Variants in EEIG1 observed in about 807,000 individuals in gnomAD.
EEIG1 encodes estrogen-induced osteoclastogenesis regulator 1.
At chr9:127,968,518 T>C in the EEIG1 span, among the ~76,000 whole-genome samples, 3 of 152,166 alleles carry the variant, frequency 2.0e-5, no homozygotes, top group East Asian at 3.9e-4. Flanking sequence ...AACTAACTAA[T>C]GACTAAATGA....
At chr9:127,956,702 C>T in the EEIG1 span, among the ~76,000 whole-genome samples, 1 of 151,476 alleles carries the variant, frequency 6.6e-6, no homozygotes, top group Non-Finnish European at 1.5e-5. Flanking sequence ...TGAGCCACCA[C>T]ACCCGGCCAT....
At chr9:127,960,623 G>C in the EEIG1 span, among the ~76,000 whole-genome samples, 1 of 152,198 alleles carries the variant, frequency 6.6e-6, no homozygotes. Context: ...AGGCAGCTCG[G>C]TGCTCTGGGC....
the EEIG1 span, chr9:127,953,398 G>A: frequency 1.6e-6 from 1 of 625,226 alleles, no homozygotes; most frequent in East Asian, 2.7e-5. Flanking sequence ...ACAACCATAT[G>A]CTGCCTTTAT....
the EEIG1 span, among the ~76,000 whole-genome samples, chr9:127,945,933 TC>T: frequency 6.6e-6 from 1 of 152,094 alleles, no homozygotes; most frequent in Non-Finnish European, 1.5e-5. This position sits in a 1 kb window ranked among gnomAD's most constrained non-coding sequence, Gnocchi z 6.5. Flanking sequence ...CGAACCCAGG[TC>T]CCTTCATTCC....
At chr9:127,945,168 G>T in the EEIG1 span, among the ~76,000 whole-genome samples, 2 of 152,106 alleles carry the variant, frequency 1.3e-5, no homozygotes, top group Non-Finnish European at 2.9e-5. The surrounding 1 kb of genome is among the most constrained non-coding windows in gnomAD (Gnocchi z 6.5). Flanking sequence ...CCACAAAACC[G>T]CAAGAGCAGC....
At chr9:127,942,955 A>C in the EEIG1 span, 1 of 553,502 alleles carries the variant, frequency 1.8e-6, no homozygotes. Flanking sequence ...CCTGCCCTCT[A>C]GTGGTTCAGA....
chr9:127,957,733 TG>T, the EEIG1 span, among the ~76,000 whole-genome samples: 1 of 152,384 alleles, frequency 6.6e-6, no homozygotes, highest in Non-Finnish European at 1.5e-5. Flanking sequence ...CAAGAAAAGG[TG>T]GTCCTAGCAT....
the EEIG1 span, among the ~76,000 whole-genome samples, chr9:127,971,193 G>A: frequency 6.6e-6 from 1 of 152,190 alleles, no homozygotes; most frequent in Non-Finnish European, 1.5e-5. Context: ...TAGTTGCCAG[G>A]TGCCTGGCCC....
the EEIG1 span, among the ~76,000 whole-genome samples, chr9:127,947,263 C>CAAAAA: frequency 2.1e-5 from 2 of 94,656 alleles, no homozygotes; most frequent in African/African-American, 4.1e-5. Flanking sequence ...ACTAAAAATA[C>CAAAAA]AAAAAAAAAA....
At chr9:127,948,045 A>G in the EEIG1 span, 1 of 1,594,468 alleles carries the variant, frequency 6.3e-7, no homozygotes, top group East Asian at 2.2e-5. Flanking sequence ...CTAGCAGGGG[A>G]GGGGCGGACA....
the EEIG1 span, chr9:127,941,973 A>G: frequency 6.5e-6 from 1 of 152,688 alleles, no homozygotes; most frequent in African/African-American, 2.4e-5. Flanking sequence ...TGGCAGCCAG[A>G]ACCCACCTTC....
chr9:127,956,270 T>C, the EEIG1 span, among the ~76,000 whole-genome samples: 1 of 152,174 alleles, frequency 6.6e-6, no homozygotes, highest in South Asian at 2.1e-4. Flanking sequence ...GCTTACATTC[T>C]GGTGGGAGGA....
At chr9:127,945,444 G>T in the EEIG1 span, 1 of 1,563,062 alleles carries the variant, frequency 6.4e-7, no homozygotes, top group East Asian at 2.4e-5. The surrounding 1 kb of genome is among the most constrained non-coding windows in gnomAD (Gnocchi z 6.5). Flanking sequence ...CCCGCTCACT[G>T]CCCTCAGGGC....
At chr9:127,977,070 A>C in the EEIG1 span, among the ~76,000 whole-genome samples, 1 of 152,142 alleles carries the variant, frequency 6.6e-6, no homozygotes, top group Admixed American at 6.5e-5. Flanking sequence ...AAAACACAGC[A>C]AACACCAAAG....
the EEIG1 span, chr9:127,948,223 G>T: frequency 7.4e-6 from 12 of 1,613,754 alleles, no homozygotes; most frequent in African/African-American, 1.5e-4. Flanking sequence ...AGTCGATGGT[G>T]GCCTTGGGAA....
the EEIG1 span, among the ~76,000 whole-genome samples, chr9:127,966,652 C>A: frequency 2.0e-5 from 3 of 152,210 alleles, no homozygotes; most frequent in Admixed American, 2.0e-4. Flanking sequence ...GGCGAGCAGG[C>A]CATTGAAGGG....
the EEIG1 span, chr9:127,945,789 G>A: frequency 7.2e-7 from 1 of 1,380,910 alleles, no homozygotes; most frequent in South Asian, 1.2e-5. This position sits in a 1 kb window ranked among gnomAD's most constrained non-coding sequence, Gnocchi z 6.5. Flanking sequence ...TGAGGTGACA[G>A]GGGTCACCCA....
the EEIG1 span, among the ~76,000 whole-genome samples, chr9:127,951,338 A>C: frequency 1.7e-4 from 26 of 152,210 alleles, no homozygotes; most frequent in African/African-American, 6.0e-4. Context: ...CAGAAGAGAT[A>C]GATAATGAAA....
chr9:127,961,671 A>T, the EEIG1 span, among the ~76,000 whole-genome samples: 1 of 152,344 alleles, frequency 6.6e-6, no homozygotes, highest in South Asian at 2.1e-4. Context: ...CCAAGGAAGG[A>T]GGCAGACAGT....
Sources: gnomAD v4.1 joint callset for allele counts (sites outside exome capture counted in the v4.1 genomes callset) on GRCh38, gnomAD v4.1.1 for gene constraint, Gnocchi (gnomAD v3.1) non-coding constraint, MANE v1.5 for transcripts, NCBI Gene and HGNC (gene_info 2026-07-23, HGNC 2026-07-21) for gene names.